The following TGM6 variants were observed in gnomAD, a reference collection of about 807,000 sequenced individuals.
The protein encoded by TGM6 is transglutaminase 6.
TGM6 carries 74 observed loss-of-function variants against 77.5 expected under a neutral mutation model. That is an observed-to-expected ratio of 0.96 (90% CI 0.79 to 1.16). TGM6 has a LOEUF of 1.16. Among genes scored for constraint, TGM6 ranks in the 50% most tolerant of loss-of-function variants. The pLI, the probability that TGM6 is intolerant of heterozygous loss-of-function variation, is 0.00. For missense variants in TGM6, 968 were observed against 940.2 expected (o/e 1.03, Z -0.39); for synonymous variants, 383 against 378.9 (o/e 1.01, Z -0.12).
At chr20:2,430,681 G>A (rs1345107628) in intron 11 of TGM6, 81 bp downstream of exon 11, 2 of 1,606,694 alleles carry the variant, frequency 1.2e-6, no homozygotes, top group Non-Finnish European at 1.7e-6. Flanking sequence ...GAAGCTGGGG[G>A]GGTTTGTGCC....
At position 2,417,307 on chromosome 20, in the gene TGM6, T is replaced by A; in HGVS notation, c.1412T>A (p.Ile471Asn). 6.2e-7 allele frequency: 1 copy of A among 1,613,414 alleles called. No homozygotes were observed. The highest frequency in any genetic ancestry group is 8.5e-7 in the Non-Finnish European group (1 of 1,179,798). The part of the protein sequence containing the change: ...LFGVEASGRR[I>N]WIRRAGGRCL... ...GGCGTGGAAGCCTCTGGAAGGAGAA[T>A]CTGGATCCGCAGGGCTGGGGGTCGC... Residue 471 changes from isoleucine to asparagine, a missense_variant, in exon 10 of 13, where the codon ATC becomes AAC. Physicochemically the swap from Ile to Asn is moderately radical, Grantham distance 149 (BLOSUM62 -3). Transcript: ENST00000202625.
chr20:2,416,519 T>C (rs1246885090), intron 9 of TGM6, among the ~76,000 whole-genome samples: 1 of 152,264 alleles, frequency 6.6e-6, no homozygotes, highest in East Asian at 1.9e-4. Context: ...TACTCAGTTT[T>C]AATTACATGC....
In TGM6 at chr20:2,403,594, C is replaced by G. The variant is rs776922671; in HGVS notation, c.1107C>G (p.Cys369Trp). The G allele has an allele frequency of 6.2e-7, 1 of 1,613,988 alleles. No homozygotes were observed. The change falls in exon 9 of 13, where the codon TGC (cysteine) becomes TGG (tryptophan). Residue 369 changes from cysteine (C) to tryptophan (W), a missense_variant. By Grantham distance (215) the Cys-to-Trp change is radical. Transcript: ENST00000202625. ...CCTCCTGCCCAGGTGTGTTCCGGTGCGGCCCAGCCTCAGTCACCGCCATCC... is the reference window on the plus strand; with the variant it reads ...CCTCCTGCCCAGGTGTGTTCCGGTGGGGCCCAGCCTCAGTCACCGCCATCC... ...PQEESEGVFRCGPASVTAIRE... is the reference protein window; with the variant it reads ...PQEESEGVFRWGPASVTAIRE...
chr20:2,393,628 G>A (rs963466877), intron 1 of TGM6, among the ~76,000 whole-genome samples: 5 of 152,064 alleles, frequency 3.3e-5, no homozygotes, highest in Non-Finnish European at 7.4e-5. Flanking sequence ...CCACCTCCCG[G>A]GTTCAAGCGA....
intron 9 of TGM6, among the ~76,000 whole-genome samples, chr20:2,405,960 G>A (rs2084747917): frequency 6.6e-6 from 1 of 152,154 alleles, no homozygotes; most frequent in South Asian, 2.1e-4. Context: ...CCACAGGGAG[G>A]AGAATACCAA....
intron 10 of TGM6, among the ~76,000 whole-genome samples, chr20:2,428,263 A>T: frequency 6.6e-6 from 1 of 152,194 alleles, no homozygotes; most frequent in Admixed American, 6.5e-5. Context: ...TGACGGTGCT[A>T]TTGAGAACCA....
At chr20:2,396,246 A>G (rs2084666296) in intron 3 of TGM6, among the ~76,000 whole-genome samples, 1 of 152,130 alleles carries the variant, frequency 6.6e-6, no homozygotes. Context: ...TGAGGCTACT[A>G]CTGACATCAA....
Position 2,403,929 on chromosome 20 carries a change from C to T in TGM6, c.1336+106C>T, listed in dbSNP as rs546113485. ...GCCAGGCCTCACCCCATGTATATGA[C>T]GCTGACAGCAGCTTCCATTCACGTT... On this transcript the variant is annotated intron_variant, in intron 9 of 12. Coordinates refer to ENST00000202625, the MANE Select transcript of TGM6 (RefSeq NM_198994.3). The T allele has an allele frequency of 5.1e-5, 80 of 1,572,766 alleles. No homozygotes were observed. The East Asian group carries it at 6.8e-4, about 13-fold the overall frequency.
chr20:2,424,022 A>G (rs1599969115), intron 10 of TGM6, among the ~76,000 whole-genome samples: 2 of 152,220 alleles, frequency 1.3e-5, no homozygotes, highest in Admixed American at 6.5e-5. Flanking sequence ...AAACCATGCT[A>G]TAAACAGATG....
chr20:2,404,702 G>A (rs567029226), intron 9 of TGM6, among the ~76,000 whole-genome samples: 1 of 151,566 alleles, frequency 6.6e-6, no homozygotes, highest in East Asian at 1.9e-4. Flanking sequence ...GCGCAATAAT[G>A]TGATCTCAGC....
intron 7 of TGM6, among the ~76,000 whole-genome samples, chr20:2,400,712 G>T (rs1394817348): frequency 7.4e-6 from 1 of 135,420 alleles, no homozygotes; most frequent in Non-Finnish European, 1.6e-5. Flanking sequence ...CTCTGTCTGG[G>T]AATCTGTGGC....
Position 2,395,370 on chromosome 20 carries a change from T to C in TGM6, c.358T>C (p.Ser120Pro). ...GRYLLSIRLSSHRKHSNRRLG... is the reference protein window; with the variant it reads ...GRYLLSIRLSPHRKHSNRRLG... ...CTACCTGCTGAGCATCAGGCTTTCC[T>C]CTCACCGCAAACACAGCAACCGGAG... Residue 120 changes from serine to proline, a missense_variant, in exon 3 of 13, where the codon TCT (serine) becomes CCT (proline). By Grantham distance (74) the Ser-to-Pro change is moderately conservative. Transcript: ENST00000202625. The C allele has an allele frequency of 6.2e-7, 1 of 1,614,238 alleles. No individual in the cohort carries two copies.
At chr20:2,414,222 A>G (rs910662599) in intron 9 of TGM6, among the ~76,000 whole-genome samples, 7 of 152,302 alleles carry the variant, frequency 4.6e-5, no homozygotes, top group African/African-American at 1.7e-4. Flanking sequence ...ATAAAGAAAT[A>G]AATAAATAAT....
At chr20:2,400,709 T>C (rs1174771920) in intron 7 of TGM6, among the ~76,000 whole-genome samples, 1 of 116,644 alleles carries the variant, frequency 8.6e-6, no homozygotes, top group Non-Finnish European at 1.7e-5. Context: ...CTACTCTGTC[T>C]GGGAATCTGT....
At chr20:2,386,529 A>G (rs1194161147) in intron 1 of TGM6, among the ~76,000 whole-genome samples, 1 of 152,106 alleles carries the variant, frequency 6.6e-6, no homozygotes, top group Non-Finnish European at 1.5e-5. Context: ...AAGAAGAAAG[A>G]GCTTGGCTCA....
rs1555799865 is a variant in TGM6 at position 2,399,727 on chromosome 20, TC to T, written c.841del (p.Leu281CysfsTer10). Reference protein sequence around the residue: ...KYGQCWVFAGVLCTVLRCLGI... With the variant: ...KYGQCWVFAGXLCTVLRCLGI... ...GGCCAGTGCTGGGTCTTCGCCGGAG[TC>T]CTGTGCACAGGTACCCTGGGAGAGA... is the stretch of plus-strand genomic sequence containing the variant. On this transcript the variant is annotated frameshift_variant, in exon 6 of 13. Coordinates refer to ENST00000202625, the MANE Select transcript of TGM6 (RefSeq NM_198994.3). LOFTEE classifies it high-confidence loss of function. The T allele has an allele frequency of 2.5e-6, 4 of 1,613,598 alleles. No homozygotes were observed. The highest frequency in any genetic ancestry group is 1.3e-5 in the African/African-American group (1 of 74,850).
Position 2,395,300 on chromosome 20 carries a change from T to C in TGM6, c.288T>C (p.Thr96=), listed in dbSNP as rs1397688788. The part of the protein sequence containing the change: ...TAAREAQMEK[T]LTVSLASPPS... ...CAAGGGAGGCTCAGATGGAGAAAAC[T>C]CTGACCGTCAGTCTCGCCAGCCCTC... Residue 96 remains threonine, a synonymous_variant, in exon 3 of 13, where the codon ACT becomes ACC. Transcript: ENST00000202625. 6.2e-7 allele frequency: 1 copy of C among 1,614,048 alleles called. No individual in the cohort carries two copies. Among genetic ancestry groups the C allele is most frequent in the East Asian group, 2.2e-5 (1 of 44,878 alleles).
intron 1 of TGM6, among the ~76,000 whole-genome samples, chr20:2,391,406 G>A (rs1396420458): frequency 2.6e-5 from 4 of 152,016 alleles, no homozygotes; most frequent in African/African-American, 9.7e-5. Context: ...CTTAGGAAAA[G>A]CACAAGGCAG....
At chr20:2,383,303 G>GT (rs1248616787) in intron 1 of TGM6, among the ~76,000 whole-genome samples, 4 of 152,330 alleles carry the variant, frequency 2.6e-5, no homozygotes, top group East Asian at 3.9e-4. Context: ...GGGGAGGATT[G>GT]TATCATTCAG....
Sources: allele counts gnomAD v4.1 joint callset (sites outside exome capture counted in the v4.1 genomes callset), GRCh38; gene constraint gnomAD v4.1.1; transcripts MANE v1.5; gene names NCBI Gene and HGNC (gene_info 2026-07-23, HGNC 2026-07-21).